The following APEX2 variants were observed in gnomAD, a reference collection of about 807,000 sequenced individuals.
APEX2 encodes apurinic/apyrimidinic endodeoxyribonuclease 2, also known as DNA-(apurinic or apyrimidinic site) endonuclease 2.
A neutral mutation model predicts 16.7 loss-of-function variants in APEX2; 4 were observed. The observed-to-expected ratio is 0.24, with a 90% CI of 0.12 to 0.55. The LOEUF (loss-of-function observed/expected upper bound fraction) is 0.55. Among genes scored for constraint, APEX2 ranks in the 20% least tolerant of loss-of-function variants. The pLI is 0.94. For missense variants in APEX2, 357 were observed against 433.6 expected, an observed-to-expected ratio of 0.82 and a Z score of 1.57; for synonymous variants, 181 against 166.9, an observed-to-expected ratio of 1.08 and a Z score of -0.65.
intron 5 of APEX2, among the ~76,000 whole-genome samples, chrX:55,004,930 C>A (rs927831677): frequency 1.3e-4 from 15 of 111,686 alleles, no homozygotes; most frequent in Non-Finnish European, 2.6e-4. Context: ...TATTGTGCAG[C>A]CAGGCTTGAG....
In APEX2 at chrX:55,008,762, G is replaced by T. The variant is rs1280642403; in HGVS notation, c.*1327G>T. ...GCTGACTCATTTCCTGGCTTCAGGG[G>T]CTACCCTGGGCCCAGATTTCCAGGG... On this transcript the variant is annotated 3_prime_UTR_variant, in exon 6 of 6. Coordinates refer to ENST00000374987, the MANE Select transcript of APEX2 (RefSeq NM_014481.4). 1 of 137,483 alleles carries T rather than the reference G, an allele frequency of 7.3e-6. No homozygotes were observed. The highest frequency in any genetic ancestry group is 1.4e-5 in the Non-Finnish European group (1 of 69,352). 11.3% of individuals were successfully genotyped at this position (137,483 alleles called of 1,213,427 possible). A position where few individuals can be genotyped will look rare whatever the true frequency, so the allele number is the denominator to read the frequency against.
At chrX:55,006,189 CTT>C (rs1369071626) in intron 5 of APEX2, among the ~76,000 whole-genome samples, 2 of 109,554 alleles carry the variant, frequency 1.8e-5, no homozygotes, top group African/African-American at 6.7e-5. Flanking sequence ...GAGGCAAACA[CTT>C]TTAACTTCCT....
rs750368585 is a variant in APEX2, at chrX:55,000,551, C to T, written c.129C>T (p.Ile43=). Residue 43 remains isoleucine, a synonymous_variant, in exon 1 of 6, where the codon ATC becomes ATT. Transcript: ENST00000374987. ...TTTTGGACGAGCTGGATGCGGATAT[C>T]GTCTGTCTCCAGGAAACCAAAGTGA... The part of the protein sequence containing the change: ...GRILDELDAD[I]VCLQETKVTR... 5.0e-6 allele frequency: 6 copies of T among 1,207,802 alleles called. No homozygotes were observed. Among genetic ancestry groups the T allele is most frequent in the East Asian group, 3.0e-5 (1 of 33,591 alleles).
At chrX:55,001,710 TA>T in intron 2 of APEX2, 81 bp downstream of exon 2, 1 of 770,646 alleles carries the variant, frequency 1.3e-6, no homozygotes, top group Non-Finnish European at 1.9e-6. Context: ...GATGAGAGGG[TA>T]ATAAGAAATC....
intron 5 of APEX2, 24 bp downstream of exon 5, chrX:55,003,892 GC>G: frequency 3.3e-6 from 4 of 1,194,731 alleles, no homozygotes; most frequent in Non-Finnish European, 4.5e-6. Context: ...TAGGTGCCTG[GC>G]CCCACTCCTG....
Position 55,007,457 on chromosome X carries a change from T to G in APEX2, c.*22T>G. ...CTGAACCAATGGAGGCCTGGGGACA[T>G]CTGGCATGGTCACCCCTGCACATGA... is the stretch of plus-strand genomic sequence containing the variant. On this transcript the variant is annotated 3_prime_UTR_variant, in exon 6 of 6. Coordinates refer to ENST00000374987, the MANE Select transcript of APEX2 (RefSeq NM_014481.4). 2.7e-6 allele frequency: 3 copies of G among 1,125,656 alleles called. No individual in the cohort carries two copies. The highest frequency in any genetic ancestry group is 3.5e-6 in the Non-Finnish European group (3 of 851,413). The allele number at this position is 1,125,656 out of a possible 1,213,427, so 92.8% of individuals were successfully genotyped here. A position where few individuals can be genotyped will look rare whatever the true frequency, so the allele number is the denominator to read the frequency against.
intron 3 of APEX2, 34 bp from the exon 4 acceptor site, chrX:55,002,928 A>T (rs770920079): frequency 2.5e-6 from 3 of 1,196,756 alleles, no homozygotes; most frequent in Non-Finnish European, 3.4e-6. Flanking sequence ...GAGGTTTGAA[A>T]CTGACCCCTT....
At position 55,000,446 on chromosome X, in the gene APEX2, C is replaced by T. The variant is rs1456780808; in HGVS notation, c.24C>T (p.Asn8=). Residue 8 remains asparagine (N), a synonymous_variant, in exon 1 of 6, where the codon AAC becomes AAT. Transcript: ENST00000374987. The part of the protein sequence containing the change: MLRVVSW[N]INGIRRPLQG... ...AGATGTTGCGCGTGGTGAGCTGGAA[C>T]ATCAATGGGATTCGGAGACCCCTGC... is the stretch of plus-strand genomic sequence containing the variant. 39 of 1,195,530 alleles carry T rather than the reference C, an allele frequency of 3.3e-5. No individual in the cohort carries two copies. Among genetic ancestry groups the T allele is most frequent in the Non-Finnish European group, 4.1e-5 (36 of 887,567 alleles).
At position 55,005,941 on chromosome X, in the gene APEX2, C is replaced by A. The variant is rs561396892; in HGVS notation, c.640-577C>A. 3.6e-5 allele frequency among the ~76,000 whole-genome samples: 4 copies of A among 110,135 alleles called. No homozygotes were observed. In the South Asian group the frequency reaches 1.6e-3, roughly 43 times the overall value. On this transcript the variant is annotated intron_variant, in intron 5 of 5. Transcript: ENST00000374987. ...TGGCACATAATAGGTATTCCATGAA[C>A]ATTTCTTGCATTGAATGAGTGGGTG...
chrX:55,004,316 A>T (rs1388682423), intron 5 of APEX2, among the ~76,000 whole-genome samples: 1 of 112,727 alleles, frequency 8.9e-6, no homozygotes, highest in East Asian at 2.8e-4. Context: ...AGTAGAAAGC[A>T]TTCTAGCATG....
intron 4 of APEX2, 84 bp downstream of exon 4, chrX:55,003,192 G>A (rs1384794197): frequency 1.9e-6 from 2 of 1,071,907 alleles, no homozygotes; most frequent in African/African-American, 1.9e-5. Flanking sequence ...AAGGGATATG[G>A]ACCCTTTGTC....
At position 55,000,638 on chromosome X, in the gene APEX2, C is replaced by T. The variant is rs1374275400; in HGVS notation, c.157+59C>T. The T allele has an allele frequency of 9.9e-6, 11 of 1,108,856 alleles. No homozygotes were observed. The South Asian group carries it at 1.1e-4, about 11-fold the overall frequency. 91.4% of individuals were successfully genotyped at this position (1,108,856 alleles called of 1,213,427 possible). On this transcript the variant is annotated intron_variant, in intron 1 of 5. Transcript: ENST00000374987. Reference sequence around the variant, plus strand: ...TTTTTCTTTCCCGCTAACTTTTGTCCCCTGTCCCATGTAATTTTACTTTCC... The same window carrying T: ...TTTTTCTTTCCCGCTAACTTTTGTCTCCTGTCCCATGTAATTTTACTTTCC...
chrX:55,007,639 T>C lies in APEX2; in HGVS notation c.*204T>C. ...TGCCTTAATCCTGTGACCCAGCCCC[T>C]TACACCACTTTCCACCTTCCTGTCC... On this transcript the variant is annotated 3_prime_UTR_variant, in exon 6 of 6. Transcript: ENST00000374987. 2.7e-6 allele frequency: 1 copy of C among 376,860 alleles called. No homozygotes were observed. Among genetic ancestry groups the C allele is most frequent in the Non-Finnish European group, 4.4e-6 (1 of 228,360 alleles). The allele number at this position is 376,860 out of a possible 1,213,427, so 31.1% of individuals were successfully genotyped here. A position where few individuals can be genotyped will look rare whatever the true frequency, so the allele number is the denominator to read the frequency against.
chrX:55,002,202 A>T, intron 2 of APEX2, 49 bp from the exon 3 acceptor site: 1 of 1,096,041 alleles, frequency 9.1e-7, no homozygotes, highest in South Asian at 2.3e-5. Context: ...AGGCTGTGCA[A>T]CAGGCTATTG....
Position 55,000,366 on chromosome X carries a change from A to G in APEX2, c.-57A>G, listed in dbSNP as rs1935416674. ...CGGGCCTGGCCAACTTCTGAACAGG[A>G]AGCAGTTCGCTCGCGCCTAGGTTGG... On this transcript the variant is annotated 5_prime_UTR_variant, in exon 1 of 6. Coordinates refer to ENST00000374987, the MANE Select transcript of APEX2 (RefSeq NM_014481.4). The G allele has an allele frequency of 9.2e-7, 1 of 1,090,328 alleles. No individual in the cohort carries two copies. The highest frequency in any genetic ancestry group is 1.9e-5 in the African/African-American group (1 of 52,629). 89.9% of individuals were successfully genotyped at this position (1,090,328 alleles called of 1,213,427 possible). A position where few individuals can be genotyped will look rare whatever the true frequency, so the allele number is the denominator to read the frequency against.
chrX:55,003,863 A>G lies in APEX2; in HGVS notation c.634A>G (p.Asn212Asp), dbSNP rs1366510628. Residue 212 changes from asparagine (N) to aspartate (D), a missense_variant, in exon 5 of 6, where the codon AAC becomes GAC. Asn to Asp is a conservative substitution (Grantham distance 23, BLOSUM62 1). Coordinates refer to ENST00000374987, the MANE Select transcript of APEX2 (RefSeq NM_014481.4). ...HRPIDHWDAV[N>D]LECFEEDPGR... ...CCCCATTGACCACTGGGATGCAGTC[A>G]ACCTGGTAAGGCTCCCTCTAGGTGC... is the stretch of plus-strand genomic sequence containing the variant. The G allele has an allele frequency of 2.8e-5, 34 of 1,209,656 alleles. No individual in the cohort carries two copies. Among genetic ancestry groups the G allele is most frequent in the Non-Finnish European group, 3.7e-5 (33 of 894,653 alleles).
chrX:55,002,672 T>G (rs949912321), intron 3 of APEX2, among the ~76,000 whole-genome samples: 1 of 111,902 alleles, frequency 8.9e-6, no homozygotes, highest in African/African-American at 3.3e-5. Flanking sequence ...CTTATTACCA[T>G]AGACATCTCA....
intron 5 of APEX2, among the ~76,000 whole-genome samples, chrX:55,006,151 T>C (rs1041012098): frequency 1.8e-5 from 2 of 108,175 alleles, no homozygotes; most frequent in Non-Finnish European, 3.8e-5. Context: ...ACAGTCTTCC[T>C]AACTCTTAAC....
At position 55,006,943 on chromosome X, in the gene APEX2, G is replaced by A. The variant is rs1407323074; in HGVS notation, c.1065G>A (p.Ser355=). The A allele has an allele frequency of 1.2e-5, 15 of 1,210,145 alleles. No individual in the cohort carries two copies. Among genetic ancestry groups the A allele is most frequent in the Non-Finnish European group, 1.6e-5 (14 of 895,267 alleles). Reference sequence around the variant, plus strand: ...AACAAAGTCCTGTGTTGGAGCAGTCGACGCTGCAGCACAACAATCAAACCC... The same window carrying A: ...AACAAAGTCCTGTGTTGGAGCAGTCAACGCTGCAGCACAACAATCAAACCC... The part of the protein sequence containing the change: ...PLEQSPVLEQ[S]TLQHNNQTRV... The change falls in exon 6 of 6, where the codon TCG becomes TCA. Residue 355 remains serine, a synonymous_variant. Coordinates refer to ENST00000374987, the MANE Select transcript of APEX2 (RefSeq NM_014481.4).
Sources: allele counts gnomAD v4.1 joint callset (sites outside exome capture counted in the v4.1 genomes callset), GRCh38; gene constraint gnomAD v4.1.1; transcripts MANE v1.5; gene names NCBI Gene and HGNC (gene_info 2026-07-23, HGNC 2026-07-21).